PSG3: variants seen among roughly 807,000 people sequenced by gnomAD.
The protein encoded by PSG3 is pregnancy specific beta-1-glycoprotein 3.
In PSG3, 61 loss-of-function variants were observed where a neutral mutation model predicts 47.5. That is an observed-to-expected ratio of 1.28 (90% confidence interval 1.05 to 1.59). The LOEUF is 1.59. Among genes scored for constraint, PSG3 ranks in the 40% most tolerant of loss-of-function variants. The pLI, the probability that PSG3 is intolerant of heterozygous loss-of-function variation, is 0.00. For missense variants in PSG3, 756 were observed against 524.0 expected, an observed-to-expected ratio of 1.44 and a Z score of -4.32; for synonymous variants, 263 against 198.4, an observed-to-expected ratio of 1.33 and a Z score of -2.74.
intron 1 of PSG3, among the ~76,000 whole-genome samples, chr19:42,739,653 C>G (rs1306427241): frequency 3.9e-5 from 6 of 152,332 alleles, no homozygotes; most frequent in South Asian, 4.1e-4. Flanking sequence ...GTTCTCAGGG[C>G]CCTCCATGCC....
intron 4 of PSG3, among the ~76,000 whole-genome samples, 170 bp from the exon 5 acceptor site, chr19:42,729,547 A>G (rs948447843): frequency 4.6e-5 from 7 of 152,292 alleles, no homozygotes; most frequent in Middle Eastern, 3.4e-3. Context: ...TGTTTCTCCC[A>G]TCACAAGCTG....
intron 5 of PSG3, among the ~76,000 whole-genome samples, chr19:42,725,798 A>G (rs989598535): frequency 1.3e-4 from 19 of 147,752 alleles, no homozygotes; most frequent in African/African-American, 4.7e-4. Context: ...CAGGAGGTTG[A>G]GGCTGCAGTG....
At chr19:42,736,823 T>G (rs10415694) in intron 2 of PSG3, among the ~76,000 whole-genome samples, 25,449 of 152,022 alleles carry the variant, frequency 0.17, 3,748 homozygotes, top group African/African-American at 0.4. Flanking sequence ...ACATTGGCTC[T>G]AGAGGAAGCC....
At chr19:42,726,768 GC>G (rs997789878) in intron 5 of PSG3, among the ~76,000 whole-genome samples, 1 of 151,986 alleles carries the variant, frequency 6.6e-6, no homozygotes, top group Non-Finnish European at 1.5e-5. Context: ...TGACATTTTT[GC>G]AGTAAAAAAA....
At chr19:42,723,748 G>A (rs1246958758) in intron 6 of PSG3, among the ~76,000 whole-genome samples, 194 bp downstream of exon 6, 1 of 152,186 alleles carries the variant, frequency 6.6e-6, no homozygotes, top group Non-Finnish European at 1.5e-5. Flanking sequence ...AGATAATTAT[G>A]TCTAAAAGAC....
intron 3 of PSG3, among the ~76,000 whole-genome samples, chr19:42,730,745 C>T (rs1488150967): frequency 6.6e-6 from 1 of 152,206 alleles, no homozygotes; most frequent in African/African-American, 2.4e-5. Flanking sequence ...GTGAAGGTGA[C>T]AGGCAAGAGC....
At chr19:42,724,122 T>C in intron 5 of PSG3, 97 bp from the exon 6 acceptor site, 1 of 1,475,388 alleles carries the variant, frequency 6.8e-7, no homozygotes, top group Non-Finnish European at 9.3e-7. Flanking sequence ...ACTCTATAAT[T>C]GTTTCTTCAA....
chr19:42,729,239 C>T lies in PSG3; in HGVS notation c.1127G>A (p.Gly376Glu). The change falls in exon 5 of 7, where the codon GGA (glycine) becomes GAA (glutamate). Residue 376 changes from glycine to glutamate, a missense_variant. Transcript: ENST00000327495. Reference sequence around the variant, plus strand: ...AATCTGGGGGATAAAGAGCTTTTGTCCTGATAGCTGAAACTTCCCATTAAT... The same window carrying T: ...AATCTGGGGGATAAAGAGCTTTTGTTCTGATAGCTGAAACTTCCCATTAAT... ...WTINGKFQLS[G>E]QKLFIPQITT... is the part of the protein sequence containing the mutation. 3 of 1,614,034 alleles carry T rather than the reference C, an allele frequency of 1.9e-6. No individual in the cohort carries two copies. The highest frequency in any genetic ancestry group is 1.7e-6 in the Non-Finnish European group (2 of 1,179,920).
At chr19:42,735,393 G>T (rs1309981646) in intron 2 of PSG3, among the ~76,000 whole-genome samples, 1 of 151,622 alleles carries the variant, frequency 6.6e-6, no homozygotes, top group African/African-American at 2.4e-5. Context: ...CTGAGACAGA[G>T]TCTCGCTCTG....
chr19:42,739,391 C>T (rs1006875087), intron 1 of PSG3: 3 of 371,954 alleles, frequency 8.1e-6, no homozygotes, highest in African/African-American at 4.1e-5. Flanking sequence ...GCCCTCAGGT[C>T]CTGCTCACAT....
At chr19:42,731,576 C>A (rs555754447) in intron 3 of PSG3, among the ~76,000 whole-genome samples, 51 of 152,068 alleles carry the variant, frequency 3.4e-4, no homozygotes, top group Admixed American at 3.1e-3. Flanking sequence ...ATGGTTGCCT[C>A]TTTTTCTCAG....
intron 3 of PSG3, among the ~76,000 whole-genome samples, chr19:42,731,203 C>T (rs892074729): frequency 6.6e-6 from 1 of 152,164 alleles, no homozygotes; most frequent in African/African-American, 2.4e-5. Flanking sequence ...CTATAGTTCA[C>T]ACAGATTGAG....
Position 42,729,430 on chromosome 19 carries a change from C to T in PSG3, c.989-53G>A, listed in dbSNP as rs528463261. 1.9e-4 allele frequency: 294 copies of T among 1,571,632 alleles called. 1 individual carries two copies. Among genetic ancestry groups the T allele is most frequent in the South Asian group, 4.0e-4 (33 of 82,260 alleles). ...TGATGTCATCCGAGGGAAGGGGATG[C>T]TCCTGGTCTCTTAAAGGGACACAGT... is the stretch of plus-strand genomic sequence containing the variant. On this transcript the variant is annotated intron_variant, in intron 4 of 6. Transcript: ENST00000327495.
At position 42,739,273 on chromosome 19, in the gene PSG3, C is replaced by T. The variant is rs1600392832; in HGVS notation, c.65-184G>A. 2.7e-6 allele frequency: 3 copies of T among 1,102,538 alleles called. No individual in the cohort carries two copies. In the African/African-American group the frequency reaches 4.8e-5, roughly 18 times the overall value. 68.3% of individuals were successfully genotyped at this position (1,102,538 alleles called of 1,614,324 possible). A position where few individuals can be genotyped will look rare whatever the true frequency, so the allele number is the denominator to read the frequency against. On this transcript the variant is annotated intron_variant, in intron 1 of 6. Transcript: ENST00000327495. ...TATGTGTTTGTGTCCTACTCTCCTACTAGGTGAAGGTCAGCAACATGACCC... is the reference window on the plus strand; with the variant it reads ...TATGTGTTTGTGTCCTACTCTCCTATTAGGTGAAGGTCAGCAACATGACCC...
chr19:42,732,908 C>T lies in PSG3; in HGVS notation c.585G>A (p.Leu195=), dbSNP rs750217039. ...GAAAGAGGGTCCTTTTGTTTTTGGA[C>T]AACTGCAAGCTGTGAGTCATAGGGA... The part of the protein sequence containing the change: ...QSLPMTHSLQ[L]SKNKRTLFLF... Residue 195 remains leucine (L), a synonymous_variant, in exon 3 of 7, where the codon TTG becomes TTA. Transcript: ENST00000327495. The T allele has an allele frequency of 3.1e-6, 5 of 1,614,102 alleles. No individual in the cohort carries two copies. The highest frequency in any genetic ancestry group is 2.2e-5 in the East Asian group (1 of 44,882).
rs1969622724 is a variant in PSG3, at chr19:42,739,153, C to G, written c.65-64G>C. 2.0e-6 allele frequency: 3 copies of G among 1,530,940 alleles called. No individual in the cohort carries two copies. In the African/African-American group the frequency reaches 4.2e-5, roughly 21 times the overall value. 94.8% of individuals were successfully genotyped at this position (1,530,940 alleles called of 1,614,324 possible). A position where few individuals can be genotyped will look rare whatever the true frequency, so the allele number is the denominator to read the frequency against. ...ATGCATTGGGGTGAAAAGATGTGGC[C>G]CTGGGTCCTGAGAAGGTCTCTTCAA... On this transcript the variant is annotated intron_variant, in intron 1 of 6. Transcript: ENST00000327495.
rs367723949 is a variant in PSG3 at position 42,731,743 on chromosome 19, T to A, written c.709+1041A>T. Among the ~76,000 whole-genome samples the A allele has an allele frequency of 3.1e-4, 47 of 151,884 alleles. 1 individual carries two copies. Among genetic ancestry groups the A allele is most frequent in the East Asian group, 2.3e-3 (12 of 5,180 alleles). On this transcript the variant is annotated intron_variant, in intron 3 of 6. Coordinates refer to ENST00000327495, the MANE Select transcript of PSG3 (RefSeq NM_021016.4). ...TTATCTTTCTAACAATATTGATTCC[T>A]CCAATCCATGAAAATGAAATGTGTT...
chr19:42,722,489 T>A (rs754673583), intron 6 of PSG3, among the ~76,000 whole-genome samples: 1 of 152,096 alleles, frequency 6.6e-6, no homozygotes, highest in Non-Finnish European at 1.5e-5. Context: ...CTCCTGACCT[T>A]GTGATCCGCC....
chr19:42,721,675 A>C lies in PSG3; in HGVS notation c.*456T>G, dbSNP rs1268651827. Reference sequence around the variant, plus strand: ...TGCAGATAACTTTATTACCATAAACATATGAATACTCCTGAATAGTTTCCC... The same window carrying C: ...TGCAGATAACTTTATTACCATAAACCTATGAATACTCCTGAATAGTTTCCC... On this transcript the variant is annotated 3_prime_UTR_variant, in exon 7 of 7. Coordinates refer to ENST00000327495, the MANE Select transcript of PSG3 (RefSeq NM_021016.4). 3 of 313,722 alleles carry C rather than the reference A, an allele frequency of 9.6e-6. No homozygotes were observed. Among genetic ancestry groups the C allele is most frequent in the Non-Finnish European group, 1.7e-5 (3 of 173,264 alleles). The allele number at this position is 313,722 out of a possible 1,614,324, so 19.4% of individuals were successfully genotyped here. A position where few individuals can be genotyped will look rare whatever the true frequency, so the allele number is the denominator to read the frequency against.
Sources: gnomAD v4.1 joint callset for allele counts (sites outside exome capture counted in the v4.1 genomes callset) on GRCh38, gnomAD v4.1.1 for gene constraint, MANE v1.5 for transcripts, NCBI Gene and HGNC (gene_info 2026-07-23, HGNC 2026-07-21) for gene names.